MGAT4A: variants seen among roughly 807,000 people sequenced by gnomAD.
The protein encoded by MGAT4A is N-acetylglucosaminyltransferase IVa.
In MGAT4A, 33 loss-of-function variants were observed where a neutral mutation model predicts 74.1. That is an observed-to-expected ratio of 0.45 (90% CI 0.34 to 0.60). The LOEUF (loss-of-function observed/expected upper bound fraction) is 0.60, where lower values mean the gene tolerates loss of function less well. Among genes scored for constraint, MGAT4A ranks in the 20% least tolerant of loss-of-function variants. The pLI is 0.02. For synonymous variants in MGAT4A, 198 were observed against 210.4 expected (o/e 0.94, Z 0.51); for missense variants, 479 against 628.3 (o/e 0.76, Z 2.54).
intron 2 of MGAT4A, among the ~76,000 whole-genome samples, chr2:98,710,960 G>A (rs1324200006): frequency 6.6e-6 from 1 of 151,606 alleles, no homozygotes; most frequent in Non-Finnish European, 1.5e-5. Flanking sequence ...TGGGGAGGAA[G>A]ATAAGCACAG....
chr2:98,707,740 T>C (rs1702459634), intron 2 of MGAT4A, among the ~76,000 whole-genome samples: 1 of 152,138 alleles, frequency 6.6e-6, no homozygotes, highest in Non-Finnish European at 1.5e-5. Flanking sequence ...AAGAAAACCA[T>C]GAACAGCATC....
intron 2 of MGAT4A, among the ~76,000 whole-genome samples, chr2:98,681,703 C>T (rs893939620): frequency 2.0e-5 from 3 of 152,162 alleles, no homozygotes; most frequent in Admixed American, 6.5e-5. Flanking sequence ...CCCTTATAAT[C>T]CCAGCACTTT....
intron 12 of MGAT4A, among the ~76,000 whole-genome samples, chr2:98,638,524 A>G (rs545763656): frequency 9.2e-5 from 14 of 152,246 alleles, no homozygotes; most frequent in Non-Finnish European, 4.4e-5. Flanking sequence ...CCAAACACAT[A>G]CTAATGGACA....
chr2:98,710,382 CAA>C (rs779291691), intron 2 of MGAT4A, among the ~76,000 whole-genome samples: 2 of 152,006 alleles, frequency 1.3e-5, no homozygotes, highest in Admixed American at 1.3e-4. Context: ...CATTTGAAAA[CAA>C]AAAAAGTTAT....
intron 2 of MGAT4A, among the ~76,000 whole-genome samples, chr2:98,690,321 A>G (rs749976996): frequency 1.3e-5 from 2 of 152,190 alleles, no homozygotes; most frequent in Non-Finnish European, 2.9e-5. Context: ...AGTGGAGGCC[A>G]CAGGAGAAGC....
intron 2 of MGAT4A, among the ~76,000 whole-genome samples, chr2:98,681,982 G>A (rs1372158863): frequency 1.3e-5 from 2 of 152,054 alleles, no homozygotes; most frequent in Non-Finnish European, 2.9e-5. Flanking sequence ...AATATCGATG[G>A]TAATGGATTA....
At position 98,621,209 on chromosome 2, in the gene MGAT4A, C is replaced by A; in HGVS notation, c.*4357G>T. On this transcript the variant is annotated 3_prime_UTR_variant, in exon 16 of 16. Coordinates refer to ENST00000393487, the MANE Select transcript of MGAT4A (RefSeq NM_012214.3). The stretch of plus-strand genomic sequence containing the variant: ...AAGTCCAAGCAGGCTTAAGTGAGTT[C>A]TCGGCTTAGGGTCTCACAAGGCTGG... The A allele has an allele frequency of 1.9e-6, 1 of 537,846 alleles. No individual in the cohort carries two copies. The highest frequency in any genetic ancestry group is 3.9e-5 in the South Asian group (1 of 25,356). The allele number at this position is 537,846 out of a possible 1,614,324, so 33.3% of individuals were successfully genotyped here.
chr2:98,642,496 C>A (rs1247157082), intron 10 of MGAT4A, among the ~76,000 whole-genome samples: 3 of 152,166 alleles, frequency 2.0e-5, no homozygotes, highest in Admixed American at 2.0e-4. Flanking sequence ...TCCAAAAGTT[C>A]ATGTACCCAA....
intron 14 of MGAT4A, among the ~76,000 whole-genome samples, chr2:98,627,821 C>T (rs1408465365): frequency 6.6e-6 from 1 of 152,216 alleles, no homozygotes; most frequent in African/African-American, 2.4e-5. Flanking sequence ...CAGGGCAAGT[C>T]AGGATATTCA....
In MGAT4A at chr2:98,637,110, G is replaced by A. The variant is rs191385191; in HGVS notation, c.1323-515C>T. Among the ~76,000 whole-genome samples, 56 of 152,218 alleles carry A rather than the reference G, an allele frequency of 3.7e-4. No individual in the cohort carries two copies. The South Asian group carries it at 6.8e-3, about 19-fold the overall frequency. On this transcript the variant is annotated intron_variant, in intron 12 of 15. Transcript: ENST00000393487. ...GGATCACTTGAGGTCAGGGGTTCAA[G>A]ACCAGCCTGGGCAACACAGTGAGAC...
At chr2:98,699,640 T>G (rs1702324566) in intron 2 of MGAT4A, among the ~76,000 whole-genome samples, 1 of 152,214 alleles carries the variant, frequency 6.6e-6, no homozygotes, top group African/African-American at 2.4e-5. Context: ...ATACCATTAC[T>G]TATAAGATTA....
intron 14 of MGAT4A, among the ~76,000 whole-genome samples, chr2:98,631,603 T>C (rs764395149): frequency 1.3e-5 from 2 of 152,146 alleles, no homozygotes; most frequent in Non-Finnish European, 2.9e-5. Context: ...AGGCCATCGA[T>C]GGGCGGAATG....
chr2:98,673,332 A>G lies in MGAT4A; in HGVS notation c.403+1703T>C, dbSNP rs142530711. 1.8e-3 allele frequency among the ~76,000 whole-genome samples: 275 copies of G among 152,264 alleles called. 16 individuals are homozygous for G. The East Asian group carries it at 0.049, about 27-fold the overall frequency. On this transcript the variant is annotated intron_variant, in intron 4 of 15. Coordinates refer to ENST00000393487, the MANE Select transcript of MGAT4A (RefSeq NM_012214.3). The stretch of plus-strand genomic sequence containing the variant: ...AGAAGTTCTGAATATGAAGCCCTAG[A>G]TAAGTTCTGGGGTTCCATAAAACCC...
chr2:98,641,544 CGCCT>C (rs1212148625), intron 10 of MGAT4A, among the ~76,000 whole-genome samples: 10 of 147,570 alleles, frequency 6.8e-5, no homozygotes, highest in East Asian at 5.9e-4. Flanking sequence ...TGGTGGCGGG[CGCCT>C]GCCTGTAGTC....
chr2:98,716,160 A>C (rs1702589008), intron 2 of MGAT4A, among the ~76,000 whole-genome samples: 1 of 151,838 alleles, frequency 6.6e-6, no homozygotes, highest in Admixed American at 6.6e-5. Flanking sequence ...CTCTACAAAA[A>C]ATTTTTGCAA....
intron 7 of MGAT4A, 36 bp downstream of exon 7, chr2:98,656,316 C>A (rs1316526481): frequency 2.3e-6 from 3 of 1,323,742 alleles, no homozygotes; most frequent in African/African-American, 2.9e-5. Context: ...TATTTACACT[C>A]ACAAGTGTGG....
chr2:98,634,817 T>C (rs1000646789), intron 14 of MGAT4A, among the ~76,000 whole-genome samples: 4 of 151,014 alleles, frequency 2.6e-5, no homozygotes, highest in Non-Finnish European at 5.9e-5. Flanking sequence ...GACGGCTATG[T>C]GGCTGCCAGG....
chr2:98,672,541 AC>A (rs945166408), intron 4 of MGAT4A, among the ~76,000 whole-genome samples: 3 of 152,172 alleles, frequency 2.0e-5, no homozygotes, highest in Admixed American at 6.5e-5. Context: ...GGGCCCTTTA[AC>A]CTGAAAACCT....
chr2:98,644,724 C>A (rs984071803), intron 9 of MGAT4A, among the ~76,000 whole-genome samples: 1 of 152,106 alleles, frequency 6.6e-6, no homozygotes, highest in Admixed American at 6.5e-5. Flanking sequence ...ACCTCCACCT[C>A]CCCCGTTCAA....
Sources: allele counts gnomAD v4.1 joint callset (sites outside exome capture counted in the v4.1 genomes callset), GRCh38; gene constraint gnomAD v4.1.1; transcripts MANE v1.5; gene names NCBI Gene and HGNC (gene_info 2026-07-23, HGNC 2026-07-21).